Variants in TBL1XR1 observed in about 807,000 individuals in gnomAD.
TBL1XR1 encodes the protein F-box-like/WD repeat-containing protein TBL1XR1.
Under a neutral mutation model 66.9 loss-of-function variants are expected in TBL1XR1, and 5 were observed. The observed-to-expected ratio is 0.07, with a 90% confidence interval of 0.04 to 0.16. TBL1XR1 has a LOEUF of 0.16. TBL1XR1 is among the 10% of genes least tolerant of loss of function. TBL1XR1 has a pLI of 1.00. For synonymous variants in TBL1XR1, 210 were observed against 206.0 expected (o/e 1.02, Z -0.17); for missense variants, 238 against 623.2 (o/e 0.38, Z 6.58).
At chr3:177,028,001 T>C (rs1210188704) in intron 14 of TBL1XR1, among the ~76,000 whole-genome samples, 1 of 152,150 alleles carries the variant, frequency 6.6e-6, no homozygotes, top group Non-Finnish European at 1.5e-5. Context: ...ACAAAACAAC[T>C]TTCTTTTAAA....
intron 1 of TBL1XR1, among the ~76,000 whole-genome samples, chr3:177,135,604 G>T (rs1171291205): frequency 1.4e-5 from 2 of 144,536 alleles, no homozygotes; most frequent in Non-Finnish European, 3.0e-5. Flanking sequence ...GGATGGTCTC[G>T]ATCTCCTGAC....
Position 177,030,120 on chromosome 3 carries a change from G to GTATA in TBL1XR1, c.1416+2847_1416+2850dup, listed in dbSNP as rs992028486. Among the ~76,000 whole-genome samples, 114 of 145,464 alleles carry GTATA rather than the reference G, an allele frequency of 7.8e-4. 1 individual carries two copies. Among genetic ancestry groups the GTATA allele is most frequent in the African/African-American group, 2.7e-3 (110 of 40,086 alleles). The stretch of plus-strand genomic sequence containing the variant: ...TGTGTGTGTGTATGTGTGTGTGTGT[G>GTATA]TATATATATATAGAGAGAGAGAGAG... On this transcript the variant is annotated intron_variant, in intron 14 of 15. Transcript: ENST00000457928.
chr3:177,148,372 A>G (rs1048170777), intron 1 of TBL1XR1, among the ~76,000 whole-genome samples: 3 of 152,252 alleles, frequency 2.0e-5, no homozygotes, highest in Non-Finnish European at 4.4e-5. Context: ...ATTAGAATTT[A>G]AAATTCCCAG....
At position 177,102,169 on chromosome 3, in the gene TBL1XR1, CT is replaced by C. The variant is rs1724306273; in HGVS notation, c.-121-3629del. ...TCTAATCTCAGTTTTCACTAATTAC[CT>C]TTTCTCTACCTTTGTCTTCATTCAT... On this transcript the variant is annotated intron_variant, in intron 1 of 15. Coordinates refer to ENST00000457928, the MANE Select transcript of TBL1XR1 (RefSeq NM_024665.7). Among the ~76,000 whole-genome samples, 3 of 152,230 alleles carry C rather than the reference CT, an allele frequency of 2.0e-5. No individual in the cohort carries two copies. The South Asian group carries it at 6.2e-4, about 32-fold the overall frequency.
chr3:177,054,045 CGTGTGT>C lies in TBL1XR1; in HGVS notation c.59-133_59-128del, dbSNP rs3046468. 38,499 of 602,570 alleles carry C rather than the reference CGTGTGT, an allele frequency of 0.064. 507 individuals carry two copies. The highest frequency in any genetic ancestry group is 0.13 in the East Asian group (4,232 of 33,560). 37.3% of individuals were successfully genotyped at this position (602,570 alleles called of 1,614,324 possible). A position where few individuals can be genotyped will look rare whatever the true frequency, so the allele number is the denominator to read the frequency against. On this transcript the variant is annotated intron_variant, in intron 3 of 15. Transcript: ENST00000457928. ...CCCATTTAAAATCCCAGACGAAGGT[CGTGTGT>C]GTGTGTGTGTGTGTGTGTGTGTGCG...
At chr3:177,083,787 G>GT (rs1319136731) in intron 2 of TBL1XR1, among the ~76,000 whole-genome samples, 10 of 150,710 alleles carry the variant, frequency 6.6e-5, no homozygotes, top group Middle Eastern at 3.4e-3. Flanking sequence ...TTTTGTTTTT[G>GT]TTTTTTTAAA....
At chr3:177,188,775 A>AT (rs1386603540) in intron 1 of TBL1XR1, among the ~76,000 whole-genome samples, 1 of 152,244 alleles carries the variant, frequency 6.6e-6, no homozygotes, top group African/African-American at 2.4e-5. Context: ...ACCAAAATGT[A>AT]TTAACCTTTC....
At chr3:177,102,905 T>C (rs79560019) in intron 1 of TBL1XR1, among the ~76,000 whole-genome samples, 1,967 of 152,340 alleles carry the variant, frequency 0.013, 37 homozygotes, top group African/African-American at 0.045. Flanking sequence ...TAGTGCCTTA[T>C]TCTTCTATCA....
chr3:177,118,725 T>C (rs1003331589), intron 1 of TBL1XR1, among the ~76,000 whole-genome samples: 7 of 152,202 alleles, frequency 4.6e-5, no homozygotes, highest in Admixed American at 3.9e-4. Flanking sequence ...GAAACCACCC[T>C]GAAGTTTGTA....
chr3:177,153,690 C>G (rs950319612), intron 1 of TBL1XR1, among the ~76,000 whole-genome samples: 4 of 151,984 alleles, frequency 2.6e-5, no homozygotes, highest in African/African-American at 9.7e-5. Flanking sequence ...GAGTTTGAGA[C>G]CAGCCTGGCA....
intron 3 of TBL1XR1, among the ~76,000 whole-genome samples, chr3:177,054,503 T>C (rs941560223): frequency 5.3e-5 from 8 of 152,152 alleles, no homozygotes; most frequent in Non-Finnish European, 1.2e-4. Context: ...ATCTACTACG[T>C]AGTTATAATT....
intron 1 of TBL1XR1, among the ~76,000 whole-genome samples, chr3:177,167,441 G>A (rs1225042832): frequency 2.0e-5 from 3 of 152,184 alleles, no homozygotes; most frequent in Admixed American, 6.5e-5. Context: ...CACGCAGAAC[G>A]TACAACACCA....
At chr3:177,166,403 A>AC (rs1363472031) in intron 1 of TBL1XR1, among the ~76,000 whole-genome samples, 12 of 152,208 alleles carry the variant, frequency 7.9e-5, no homozygotes, top group Non-Finnish European at 1.6e-4. Context: ...AAGATGTTCC[A>AC]CATCATATAC....
chr3:177,055,662 G>C (rs899079314), intron 3 of TBL1XR1, among the ~76,000 whole-genome samples: 1 of 152,062 alleles, frequency 6.6e-6, no homozygotes, highest in African/African-American at 2.4e-5. Flanking sequence ...GCAGAAAACA[G>C]AATAAGGATG....
At chr3:177,049,828 T>TC (rs1401261624) in intron 7 of TBL1XR1, among the ~76,000 whole-genome samples, 169 bp downstream of exon 7, 1 of 152,180 alleles carries the variant, frequency 6.6e-6, no homozygotes, top group Non-Finnish European at 1.5e-5. Context: ...AAGGCAAGTC[T>TC]GTGTCCCACA....
chr3:177,122,794 T>G (rs1727135739), intron 1 of TBL1XR1, among the ~76,000 whole-genome samples: 1 of 152,118 alleles, frequency 6.6e-6, no homozygotes, highest in African/African-American at 2.4e-5. Flanking sequence ...TATTAGTCGT[T>G]TCAGGCTCAT....
At chr3:177,079,944 A>C (rs1440554464) in intron 2 of TBL1XR1, 1 of 152,116 alleles carries the variant, frequency 6.6e-6, no homozygotes, top group Admixed American at 6.6e-5. Flanking sequence ...CAGTTTCCTC[A>C]TCTGTAAAAT....
chr3:177,189,226 A>T (rs1390932828), intron 1 of TBL1XR1, among the ~76,000 whole-genome samples: 3 of 145,620 alleles, frequency 2.1e-5, no homozygotes, highest in Non-Finnish European at 4.5e-5. Flanking sequence ...AATAAGAAAT[A>T]ACAATTTCAG....
chr3:177,125,727 T>C (rs1727535886), intron 1 of TBL1XR1, among the ~76,000 whole-genome samples: 1 of 152,192 alleles, frequency 6.6e-6, no homozygotes. Flanking sequence ...CAATTTTCTT[T>C]ATGATTCACT....
Sources: gnomAD v4.1 joint callset for allele counts (sites outside exome capture counted in the v4.1 genomes callset) on GRCh38, gnomAD v4.1.1 for gene constraint, MANE v1.5 for transcripts, NCBI Gene and HGNC (gene_info 2026-07-23, HGNC 2026-07-21) for gene names.